Variants in STXBP5 observed in about 807,000 individuals in gnomAD.
STXBP5 encodes the protein syntaxin binding protein 5.
In STXBP5, 50 loss-of-function variants were observed where a neutral mutation model predicts 152.4. The observed-to-expected ratio is 0.33, with a 90% CI of 0.26 to 0.42. STXBP5 has a LOEUF of 0.42. STXBP5 is among the 10% of genes least tolerant of loss of function. The pLI is 1.00. For synonymous variants in STXBP5, 492 were observed against 494.7 expected (o/e 0.99, Z 0.07); for missense variants, 1,167 against 1,388.6 (o/e 0.84, Z 2.54).
At chr6:147,318,810 T>A (rs1270037332) in intron 16 of STXBP5, among the ~76,000 whole-genome samples, 1 of 152,224 alleles carries the variant, frequency 6.6e-6, no homozygotes, top group East Asian at 1.9e-4. Flanking sequence ...CAGTTTTTTC[T>A]GAATCCTAAA....
chr6:147,220,492 T>G (rs574437459), intron 2 of STXBP5, among the ~76,000 whole-genome samples: 31 of 152,268 alleles, frequency 2.0e-4, no homozygotes, highest in African/African-American at 7.2e-4. Flanking sequence ...ACAACTGTAA[T>G]AGCGGATTCA....
intron 8 of STXBP5, among the ~76,000 whole-genome samples, chr6:147,279,795 G>C (rs1051542956): frequency 8.5e-5 from 13 of 152,050 alleles, no homozygotes; most frequent in African/African-American, 2.9e-4. Context: ...ATGAATCTTA[G>C]AATCTCCTAA....
intron 26 of STXBP5, among the ~76,000 whole-genome samples, chr6:147,377,061 C>T (rs1381447084): frequency 6.6e-6 from 1 of 152,106 alleles, no homozygotes; most frequent in Non-Finnish European, 1.5e-5. Context: ...GACAGTTTCT[C>T]AATCATCATC....
rs142659659 is a variant in STXBP5, at chr6:147,290,605, G to A, written c.839-489G>A. Among the ~76,000 whole-genome samples the A allele has an allele frequency of 5.1e-4, 77 of 152,224 alleles. 1 individual carries two copies. The highest frequency in any genetic ancestry group is 7.2e-4 in the Non-Finnish European group (49 of 68,006). On this transcript the variant is annotated intron_variant, in intron 8 of 27. Transcript: ENST00000321680. ...TCTCTGACACATTTTATAGAGGTTGGTGTATTTTAGCAGTCTTTTGGGTAT... is the reference window on the plus strand; with the variant it reads ...TCTCTGACACATTTTATAGAGGTTGATGTATTTTAGCAGTCTTTTGGGTAT...
At chr6:147,207,149 A>T (rs1438897142) in intron 2 of STXBP5, among the ~76,000 whole-genome samples, 1 of 152,164 alleles carries the variant, frequency 6.6e-6, no homozygotes, top group Non-Finnish European at 1.5e-5. Flanking sequence ...TGAGTTAAAC[A>T]TGTGCCAGGC....
chr6:147,347,189 TAGAAAA>T (rs1270178416), intron 21 of STXBP5, among the ~76,000 whole-genome samples: 1 of 152,140 alleles, frequency 6.6e-6, no homozygotes, highest in African/African-American at 2.4e-5. Flanking sequence ...TGTCTTAAGT[TAGAAAA>T]AGAAGGGCAA....
chr6:147,314,014 C>G lies in STXBP5; in HGVS notation c.1276C>G (p.Gln426Glu). 6.3e-7 allele frequency: 1 copy of G among 1,588,096 alleles called. No homozygotes were observed. Among genetic ancestry groups the G allele is most frequent in the Non-Finnish European group, 8.6e-7 (1 of 1,163,708 alleles). The change falls in exon 12 of 28, where the codon CAA (glutamine) becomes GAA (glutamate). Residue 426 changes from glutamine (Q) to glutamate (E), a missense_variant. This residue lies in a region of STXBP5 where 833 missense variants were observed against 986.3 expected (regional missense o/e 0.84). Transcript: ENST00000321680. ...TTCTGTTGGAGCTAGACAGAAACGT[C>G]AAGGTTACAGCAAAAAGGTATTGAA... ...LYSVGARQKR[Q>E]GYSKKEWPIN...
intron 21 of STXBP5, among the ~76,000 whole-genome samples, chr6:147,339,701 A>G (rs1249947357): frequency 6.6e-6 from 1 of 151,920 alleles, no homozygotes; most frequent in Non-Finnish European, 1.5e-5. Flanking sequence ...TTTTGAAGCA[A>G]TGGTTTCTTT....
chr6:147,350,366 A>G (rs1784533300), intron 21 of STXBP5, among the ~76,000 whole-genome samples: 1 of 152,060 alleles, frequency 6.6e-6, no homozygotes, highest in African/African-American at 2.4e-5. Flanking sequence ...TCAGAAGGAA[A>G]TTTTCTGCTG....
In STXBP5 at chr6:147,204,589, G is replaced by A; in HGVS notation, c.57G>A (p.Ser19=). The change falls in exon 1 of 28, where the codon TCG becomes TCA. Residue 19 remains serine, a synonymous_variant. Coordinates refer to ENST00000321680, the MANE Select transcript of STXBP5 (RefSeq NM_001127715.4). The surrounding 1 kb of genome is among the most constrained non-coding windows in gnomAD (Gnocchi z 4.3). Reference sequence around the variant, plus strand: ...ACGGCCTGACCGCCGGCTCGTCCTCGGCGTCGCAGCAGCAACAGCAGCAGC... The same window carrying A: ...ACGGCCTGACCGCCGGCTCGTCCTCAGCGTCGCAGCAGCAACAGCAGCAGC... The part of the protein sequence containing the change: ...VLDGLTAGSS[S]ASQQQQQQHP... The A allele has an allele frequency of 6.2e-7, 1 of 1,608,416 alleles. No homozygotes were observed. Among genetic ancestry groups the A allele is most frequent in the Non-Finnish European group, 8.5e-7 (1 of 1,177,630 alleles).
At chr6:147,363,218 C>A in intron 23 of STXBP5, 117 bp from the exon 24 acceptor site, 1 of 1,079,686 alleles carries the variant, frequency 9.3e-7, no homozygotes, top group Non-Finnish European at 1.3e-6. Context: ...AGCCAGTGTT[C>A]AGTTCAATAT....
At chr6:147,259,506 C>G (rs1176981521) in intron 4 of STXBP5, among the ~76,000 whole-genome samples, 1 of 152,090 alleles carries the variant, frequency 6.6e-6, no homozygotes, top group South Asian at 2.1e-4. Flanking sequence ...CTGAACATTA[C>G]CTCTAAGAAA....
intron 2 of STXBP5, among the ~76,000 whole-genome samples, chr6:147,207,734 A>G (rs1367701982): frequency 2.0e-5 from 3 of 152,184 alleles, no homozygotes; most frequent in African/African-American, 7.2e-5. Flanking sequence ...GTAAAGTTGA[A>G]TTAAATCAGC....
At position 147,310,238 on chromosome 6, in the gene STXBP5, G is replaced by A; in HGVS notation, c.1072G>A (p.Asp358Asn). 1 of 1,549,838 alleles carries A rather than the reference G, an allele frequency of 6.5e-7. No individual in the cohort carries two copies. Among genetic ancestry groups the A allele is most frequent in the Non-Finnish European group, 8.6e-7 (1 of 1,156,420 alleles). Residue 358 changes from aspartate to asparagine, a missense_variant and splice_region_variant, in exon 10 of 28, where the codon GAT becomes AAT. Transcript: ENST00000321680. ...GCTGTGTGAAACACCATACCCAAAT[G>A]GTAAGCTTTGCAACTTTAAAGCTCA... ...LTLCETPYPN[D>N]FQEPYAVVVL...
chr6:147,315,408 G>A (rs543176512), intron 14 of STXBP5, 107 bp from the exon 15 acceptor site: 37 of 661,848 alleles, frequency 5.6e-5, no homozygotes, highest in East Asian at 4.2e-4. Flanking sequence ...AAAATATGAT[G>A]TAGTTAAATA....
At chr6:147,358,721 AG>A (rs1214675375) in intron 22 of STXBP5, among the ~76,000 whole-genome samples, 1 of 152,194 alleles carries the variant, frequency 6.6e-6, no homozygotes, top group Admixed American at 6.6e-5. Flanking sequence ...AAAGTAGGCT[AG>A]AGAAAAGAAT....
At chr6:147,273,949 C>CAAA (rs796458350) in intron 7 of STXBP5, among the ~76,000 whole-genome samples, 1 of 84,744 alleles carries the variant, frequency 1.2e-5, no homozygotes, top group Non-Finnish European at 2.5e-5. Flanking sequence ...GAGACTCTGG[C>CAAA]AAAAAAAAAA....
intron 16 of STXBP5, 72 bp downstream of exon 16, chr6:147,316,479 C>G: frequency 7.8e-7 from 1 of 1,283,324 alleles, no homozygotes; most frequent in Non-Finnish European, 1.0e-6. Flanking sequence ...AGCATTAGAG[C>G]TATGGTAACA....
intron 9 of STXBP5, among the ~76,000 whole-genome samples, chr6:147,304,336 T>C (rs1781981071): frequency 6.6e-6 from 1 of 152,194 alleles, no homozygotes; most frequent in Admixed American, 6.5e-5. Context: ...CCTTGGCAGC[T>C]TATATGTGGT....
Sources: gnomAD v4.1 joint callset for allele counts (sites outside exome capture counted in the v4.1 genomes callset) on GRCh38, gnomAD v4.1.1 for gene constraint, gnomAD v4.1.1 regional missense constraint, Gnocchi (gnomAD v3.1) non-coding constraint, MANE v1.5 for transcripts, NCBI Gene and HGNC (gene_info 2026-07-23, HGNC 2026-07-21) for gene names.